The following GRIPAP1 variants were observed in gnomAD, a reference collection of about 807,000 sequenced individuals.
GRIPAP1 encodes GRIP1 associated protein 1.
Under a neutral mutation model 84.1 loss-of-function variants are expected in GRIPAP1, and 14 were observed. That is an observed-to-expected ratio of 0.17 (90% confidence interval 0.11 to 0.26). The LOEUF (loss-of-function observed/expected upper bound fraction) is 0.26. Ranked by LOEUF, GRIPAP1 falls within the 10% of genes least tolerant of loss-of-function variation. The pLI is 1.00. For missense variants in GRIPAP1, 518 were observed against 674.2 expected, an observed-to-expected ratio of 0.77 and a Z score of 2.57; for synonymous variants, 261 against 256.8, an observed-to-expected ratio of 1.02 and a Z score of -0.15.
intron 11 of GRIPAP1, 30 bp from the exon 12 acceptor site, chrX:48,988,228 C>T (rs1557064514): frequency 2.8e-6 from 3 of 1,059,649 alleles, no homozygotes; most frequent in South Asian, 3.9e-5. Context: ...CCATTTTACA[C>T]CTCAGCCTCT....
intron 15 of GRIPAP1, among the ~76,000 whole-genome samples, 156 bp downstream of exon 15, chrX:48,983,619 T>C: frequency 9.0e-6 from 1 of 111,234 alleles, no homozygotes; most frequent in South Asian, 3.8e-4. Context: ...CCTCCCACTC[T>C]CATGGATTTG....
intron 21 of GRIPAP1, chrX:48,980,897 G>C (rs2064452694): frequency 3.9e-6 from 1 of 256,956 alleles, no homozygotes; most frequent in Non-Finnish European, 6.8e-6. Context: ...AAAAAAAAAA[G>C]AGAGAGAAAA....
At position 48,981,255 on chromosome X, in the gene GRIPAP1, C is replaced by T. The variant is rs782162635; in HGVS notation, c.1890G>A (p.Glu630=). Residue 630 remains glutamate, a synonymous_variant, in exon 21 of 26, where the codon GAG becomes GAA. Coordinates refer to ENST00000376423, the MANE Select transcript of GRIPAP1 (RefSeq NM_020137.5). ...LERKRADKLQ[E]RLQDILTNSK... ...TGTTAGTGAGGATGTCCTGCAGTCG[C>T]TCCTGCAGCTTATCTGCCCGTTTCC... 56 of 1,209,569 alleles carry T rather than the reference C, an allele frequency of 4.6e-5. No individual in the cohort carries two copies. The highest frequency in any genetic ancestry group is 5.8e-5 in the Non-Finnish European group (52 of 894,701).
intron 6 of GRIPAP1, 36 bp from the exon 7 acceptor site, chrX:48,991,146 T>G: frequency 9.6e-7 from 1 of 1,038,443 alleles, no homozygotes; most frequent in Non-Finnish European, 1.4e-6. Context: ...ATGGATGAGG[T>G]GGTCTCTGAA....
At chrX:48,991,759 G>C in intron 6 of GRIPAP1, among the ~76,000 whole-genome samples, 1 of 111,352 alleles carries the variant, frequency 9.0e-6, no homozygotes. Flanking sequence ...AGAATCGCTT[G>C]AACCCAGGAG....
At position 49,002,242 on chromosome X, in the gene GRIPAP1, AC is replaced by A. The variant is rs782035943; in HGVS notation, c.-14del. On this transcript the variant is annotated 5_prime_UTR_variant, in exon 1 of 26. Transcript: ENST00000376423. ...GAGCTTGCGCCATGTTCCTCCCCCC[AC>A]CCCCCCGCCAGCTTTCTGCGCAGAC... 49 of 871,788 alleles carry A rather than the reference AC, an allele frequency of 5.6e-5. No individual in the cohort carries two copies. The highest frequency in any genetic ancestry group is 8.1e-5 in the Admixed American group (3 of 37,028). 71.8% of individuals were successfully genotyped at this position (871,788 alleles called of 1,213,427 possible).
intron 7 of GRIPAP1, 48 bp downstream of exon 7, chrX:48,990,878 C>T: frequency 9.4e-7 from 1 of 1,061,818 alleles, no homozygotes; most frequent in Non-Finnish European, 1.3e-6. Context: ...AGAGGTAGAA[C>T]ATCTGCCCTG....
chrX:48,993,030 C>T (rs781788383), intron 6 of GRIPAP1, among the ~76,000 whole-genome samples: 1 of 111,095 alleles, frequency 9.0e-6, no homozygotes, highest in East Asian at 2.9e-4. Flanking sequence ...CCATGTTAGC[C>T]AGGATGGTCT....
rs1557060047 is a variant in GRIPAP1 at position 48,975,222 on chromosome X, C to T, written c.2366G>A (p.Arg789Gln). 8.3e-7 allele frequency: 1 copy of T among 1,210,265 alleles called. No individual in the cohort carries two copies. ...DLVKPGDENL[R>Q]EMNKKLQNML... ...GTTCTGCAGCTTCTTGTTCATCTCC[C>T]GAAGGTTCTCGTCACCTGGCTTCAC... The change falls in exon 25 of 26, where the codon CGG (arginine) becomes CAG (glutamine). Residue 789 changes from arginine (R) to glutamine (Q), a missense_variant. By Grantham distance (43) the Arg-to-Gln change is conservative (BLOSUM62 1). Around this residue, in one of 5 missense-constraint regions of GRIPAP1, gnomAD observed 32 missense variants for 82.4 expected, o/e 0.39. Transcript: ENST00000376423.
intron 13 of GRIPAP1, among the ~76,000 whole-genome samples, chrX:48,987,442 CTTTTT>C (rs782089098): frequency 1.2e-5 from 1 of 83,183 alleles, no homozygotes; most frequent in Non-Finnish European, 2.4e-5. Flanking sequence ...CCACCACGCC[CTTTTT>C]TTTTTTTTTT....
At chrX:48,984,149 A>T (rs1486733655) in intron 14 of GRIPAP1, among the ~76,000 whole-genome samples, 1 of 111,436 alleles carries the variant, frequency 9.0e-6, no homozygotes, top group African/African-American at 3.3e-5. Flanking sequence ...TTATTTCTGT[A>T]TGTGGAAGTG....
chrX:48,989,501 C>T (rs781832735), intron 11 of GRIPAP1, 110 bp downstream of exon 11: 1 of 514,567 alleles, frequency 1.9e-6, no homozygotes, highest in East Asian at 3.4e-5. Flanking sequence ...GAACCCATTT[C>T]CAACACAGGA....
chrX:48,988,035 C>T, intron 12 of GRIPAP1, 86 bp downstream of exon 12: 1 of 781,465 alleles, frequency 1.3e-6, no homozygotes, highest in East Asian at 3.5e-5. Flanking sequence ...AGCAGGATCC[C>T]TGGGACCTTG....
rs1386827962 is a variant in GRIPAP1 at position 48,976,411 on chromosome X, G to A, written c.2062-48C>T. ...GGCCAGCCCCGGGCTCAGCACCACC[G>A]ACCCCAGACAGGTGTCAGGGACTGG... On this transcript the variant is annotated intron_variant, in intron 22 of 25. Coordinates refer to ENST00000376423, the MANE Select transcript of GRIPAP1 (RefSeq NM_020137.5). 6 of 1,164,244 alleles carry A rather than the reference G, an allele frequency of 5.2e-6. No individual in the cohort carries two copies. In the Middle Eastern group the frequency reaches 9.6e-4, roughly 187 times the overall value.
intron 21 of GRIPAP1, 142 bp downstream of exon 21, chrX:48,981,073 G>A: frequency 2.2e-6 from 1 of 464,126 alleles, no homozygotes; most frequent in Non-Finnish European, 3.8e-6. Flanking sequence ...AGGAGAGACA[G>A]AGAAAAGGTA....
chrX:48,981,221 G>C lies in GRIPAP1; in HGVS notation c.1924C>G (p.Arg642Gly). 5 of 1,204,451 alleles carry C rather than the reference G, an allele frequency of 4.2e-6. No individual in the cohort carries two copies. Among genetic ancestry groups the C allele is most frequent in the Non-Finnish European group, 5.6e-6 (5 of 889,884 alleles). ...CCCTGTCCTAGTCCCTCACCTGAGC[G>C]GCTCTTGCTGTTAGTGAGGATGTCC... ...LQDILTNSKS[R>G]SGLEELVLSE... is the part of the protein sequence containing the mutation. Residue 642 changes from arginine to glycine, a missense_variant, in exon 21 of 26, where the codon CGC becomes GGC. Arg to Gly is a moderately radical substitution (Grantham distance 125). Coordinates refer to ENST00000376423, the MANE Select transcript of GRIPAP1 (RefSeq NM_020137.5).
In GRIPAP1 at chrX:48,973,965, C is replaced by A. The variant is rs782038157; in HGVS notation, c.*228G>T. 3.2e-6 allele frequency: 1 copy of A among 312,167 alleles called. No homozygotes were observed. The highest frequency in any genetic ancestry group is 5.6e-6 in the Non-Finnish European group (1 of 177,752). The allele number at this position is 312,167 out of a possible 1,213,427, so 25.7% of individuals were successfully genotyped here. ...AGACAGAAGCCCTTGGGAGCCAGGA[C>A]CAAGAAGAAGGAGAAATCCCTGCCC... On this transcript the variant is annotated 3_prime_UTR_variant, in exon 26 of 26. Transcript: ENST00000376423.
At chrX:49,001,021 T>A (rs1419786958) in intron 1 of GRIPAP1, 2 of 95,467 alleles carry the variant, frequency 2.1e-5, no homozygotes, top group Non-Finnish European at 4.2e-5. Context: ...AGCCCAGTAG[T>A]TCTCCCTCAT....
intron 12 of GRIPAP1, 76 bp from the exon 13 acceptor site, chrX:48,987,953 G>GGA (rs1161893092): frequency 7.9e-5 from 25 of 318,366 alleles, no homozygotes; most frequent in Non-Finnish European, 1.1e-4. Flanking sequence ...AAGAAAGAAA[G>GGA]GACACACACA....
Sources: allele counts gnomAD v4.1 joint callset (sites outside exome capture counted in the v4.1 genomes callset), GRCh38; gene constraint gnomAD v4.1.1; regional missense constraint gnomAD v4.1.1; transcripts MANE v1.5; gene names NCBI Gene and HGNC (gene_info 2026-07-23, HGNC 2026-07-21).